The following TIAM1 variants were observed in gnomAD, a reference collection of about 807,000 sequenced individuals.
The protein encoded by TIAM1 is TIAM Rac1 associated GEF 1.
TIAM1 carries 65 observed loss-of-function variants against 163.5 expected under a neutral mutation model. That is an observed-to-expected ratio of 0.40 (90% CI 0.33 to 0.49). The LOEUF (loss-of-function observed/expected upper bound fraction) is 0.49, where lower values mean the gene tolerates loss of function less well. Among genes scored for constraint, TIAM1 ranks in the 20% least tolerant of loss-of-function variants. TIAM1 has a pLI of 0.77. For synonymous variants in TIAM1, 833 were observed against 810.1 expected (o/e 1.03, Z -0.48); for missense variants, 1,789 against 2,044.7 (o/e 0.87, Z 2.41).
chr21:31,461,914 G>A lies in TIAM1; in HGVS notation c.-369+2069C>T, dbSNP rs535926540. Among the ~76,000 whole-genome samples the A allele has an allele frequency of 3.0e-4, 45 of 152,236 alleles. 1 individual carries two copies. In the South Asian group the frequency reaches 5.4e-3, roughly 18 times the overall value. On this transcript the variant is annotated intron_variant, in intron 2 of 28. Coordinates refer to the TIAM1 transcript ENST00000286827. ...ACTCCTGGGCTCAAGCGATCCTCCC[G>A]CCTCAGCCTCCCAAAGTGCCGGGAT...
At chr21:31,538,159 C>T (rs1602518235) in intron 1 of TIAM1, among the ~76,000 whole-genome samples, 2 of 152,162 alleles carry the variant, frequency 1.3e-5, no homozygotes, top group African/African-American at 4.8e-5. Context: ...TGGTTTTATC[C>T]CATTTGTAAG....
chr21:31,348,353 G>A (rs980698992), upstream of TIAM1, among the ~76,000 whole-genome samples: 2 of 152,138 alleles, frequency 1.3e-5, no homozygotes, highest in African/African-American at 2.4e-5. Flanking sequence ...TGGCACCAAC[G>A]CGTCCTCACC....
At chr21:31,413,785 G>A (rs921849798) in intron 2 of TIAM1, among the ~76,000 whole-genome samples, 3 of 152,132 alleles carry the variant, frequency 2.0e-5, no homozygotes, top group Non-Finnish European at 4.4e-5. Flanking sequence ...GGCAAAGAAC[G>A]TGCAAACAGA....
chr21:31,130,131 C>A, intron 25 of TIAM1, 82 bp downstream of exon 25: 2 of 1,170,054 alleles, frequency 1.7e-6, no homozygotes, highest in East Asian at 2.5e-5. Flanking sequence ...AAGAGTTAGA[C>A]CAAGAGTGTG....
Position 31,141,574 on chromosome 21 carries a change from C to CT in TIAM1, c.3476-71dup. The CT allele has an allele frequency of 6.4e-7, 1 of 1,560,970 alleles. No homozygotes were observed. Among genetic ancestry groups the CT allele is most frequent in the South Asian group, 1.2e-5 (1 of 82,718 alleles). On this transcript the variant is annotated intron_variant, in intron 20 of 27. Transcript: ENST00000541036. This position sits in a 1 kb window ranked among gnomAD's most constrained non-coding sequence, Gnocchi z 4.7. ...GACTCCCTTCCCACAATTTCCCTCC[C>CT]TTCCTCAGTGACTCCAAGGTGCCTT...
intron 2 of TIAM1, among the ~76,000 whole-genome samples, chr21:31,376,649 G>A (rs1232106798): frequency 6.6e-6 from 1 of 152,040 alleles, no homozygotes; most frequent in Non-Finnish European, 1.5e-5. Context: ...TGGCTAAACT[G>A]TGACATCGGC....
intron 17 of TIAM1, 142 bp from the exon 18 acceptor site, chr21:31,153,276 A>G: frequency 1.6e-6 from 1 of 640,396 alleles, no homozygotes. Context: ...CTAACGTTAG[A>G]GACTTTAGGT....
chr21:31,124,765 G>A lies in TIAM1; in HGVS notation c.4134-71C>T, dbSNP rs561638048. 1.6e-3 allele frequency: 2,131 copies of A among 1,326,930 alleles called. 2 individuals carry two copies. The highest frequency in any genetic ancestry group is 1.9e-3 in the Non-Finnish European group (1,917 of 993,198). 82.2% of individuals were successfully genotyped at this position (1,326,930 alleles called of 1,614,324 possible). On this transcript the variant is annotated intron_variant, in intron 26 of 27. Transcript: ENST00000541036. ...CATGGGGAACTTCTAAGGTTATCAGGTGCAACCAAATAAATATCCCTTAGG... is the reference window on the plus strand; with the variant it reads ...CATGGGGAACTTCTAAGGTTATCAGATGCAACCAAATAAATATCCCTTAGG...
At chr21:31,292,562 G>A (rs1432723684) in intron 2 of TIAM1, among the ~76,000 whole-genome samples, 1 of 151,412 alleles carries the variant, frequency 6.6e-6, no homozygotes, top group Non-Finnish European at 1.5e-5. Context: ...TAGAGACGGA[G>A]TTTCACTATG....
At chr21:31,275,596 A>C (rs1305463019) in intron 3 of TIAM1, among the ~76,000 whole-genome samples, 1 of 152,184 alleles carries the variant, frequency 6.6e-6, no homozygotes, top group Non-Finnish European at 1.5e-5. Context: ...TCTTGTTTTT[A>C]AGTACCCTCT....
At chr21:31,322,352 A>G (rs985934002) in intron 2 of TIAM1, among the ~76,000 whole-genome samples, 2 of 150,188 alleles carry the variant, frequency 1.3e-5, no homozygotes, top group Non-Finnish European at 2.9e-5. Context: ...GGGGAGGACA[A>G]TTCTAGCTCG....
intron 1 of TIAM1, among the ~76,000 whole-genome samples, chr21:31,557,681 C>G (rs1434712455): frequency 6.6e-6 from 1 of 152,234 alleles, no homozygotes; most frequent in Non-Finnish European, 1.5e-5. Context: ...CACAGCTGCC[C>G]TGCGGGGCCG....
chr21:31,558,850 G>A (rs2048988901), intron 1 of TIAM1: 2 of 152,106 alleles, frequency 1.3e-5, no homozygotes, highest in South Asian at 4.1e-4. Flanking sequence ...GGGCACCGAG[G>A]CTCCGGGCAT....
chr21:31,468,805 CTAAA>C (rs1315869083), intron 1 of TIAM1, among the ~76,000 whole-genome samples: 5 of 152,066 alleles, frequency 3.3e-5, no homozygotes, highest in Non-Finnish European at 5.9e-5. Flanking sequence ...GGGCGACGTG[CTAAA>C]TACTCTCAGA....
chr21:31,421,842 T>C (rs978586456), intron 2 of TIAM1, among the ~76,000 whole-genome samples: 10 of 151,862 alleles, frequency 6.6e-5, no homozygotes, highest in African/African-American at 2.2e-4. Context: ...AAAAAAAAAT[T>C]AGTCAGGCAT....
At chr21:31,207,955 A>G (rs922066722) in intron 11 of TIAM1, among the ~76,000 whole-genome samples, 2 of 152,186 alleles carry the variant, frequency 1.3e-5, no homozygotes, top group African/African-American at 4.8e-5. Flanking sequence ...ATGTCTTGGG[A>G]AAAAGACCTG....
intron 2 of TIAM1, among the ~76,000 whole-genome samples, chr21:31,305,196 A>G (rs959502857): frequency 5.9e-5 from 9 of 152,228 alleles, no homozygotes; most frequent in Non-Finnish European, 7.3e-5. Flanking sequence ...GCTGACTTTT[A>G]AAAAATCTAC....
At chr21:31,267,087 C>T (rs1281261333) in intron 3 of TIAM1, 104 bp from the exon 4 acceptor site, 1 of 1,461,964 alleles carries the variant, frequency 6.8e-7, no homozygotes, top group Non-Finnish European at 9.1e-7. Flanking sequence ...AACACCTTGG[C>T]TCACAGGGGT....
intron 4 of TIAM1, among the ~76,000 whole-genome samples, chr21:31,255,579 C>T (rs551319911): frequency 6.6e-6 from 1 of 152,284 alleles, no homozygotes; most frequent in East Asian, 1.9e-4. Context: ...CCCAGTCTTC[C>T]CAGCAGTGAG....
Sources: allele counts gnomAD v4.1 joint callset (sites outside exome capture counted in the v4.1 genomes callset), GRCh38; gene constraint gnomAD v4.1.1; non-coding constraint Gnocchi (gnomAD v3.1); transcripts MANE v1.5; gene names NCBI Gene and HGNC (gene_info 2026-07-23, HGNC 2026-07-21).